The following CTNNA3 variants were observed in gnomAD, a reference collection of about 807,000 sequenced individuals.
The protein encoded by CTNNA3 is catenin alpha 3, also known as catenin alpha-3.
A neutral mutation model predicts 95.7 loss-of-function variants in CTNNA3; 76 were observed. The observed-to-expected ratio is 0.79, with a 90% CI of 0.66 to 0.96. The LOEUF is 0.96. Among genes scored for constraint, CTNNA3 ranks in the 40% least tolerant of loss-of-function variants. The pLI, the probability that CTNNA3 is intolerant of heterozygous loss-of-function variation, is 0.00. For missense variants in CTNNA3, 1,191 were observed against 1,089.8 expected, an observed-to-expected ratio of 1.09 and a Z score of -1.31; for synonymous variants, 431 against 374.4, an observed-to-expected ratio of 1.15 and a Z score of -1.74.
At chr10:66,244,370 G>A (rs879529747) in intron 13 of CTNNA3, among the ~76,000 whole-genome samples, 1 of 152,204 alleles carries the variant, frequency 6.6e-6, no homozygotes, top group African/African-American at 2.4e-5. Context: ...GCCACTGGCT[G>A]ACTGTAGAGC....
chr10:66,633,895 T>A (rs1416847764), intron 9 of CTNNA3, among the ~76,000 whole-genome samples: 1 of 151,976 alleles, frequency 6.6e-6, no homozygotes, highest in Admixed American at 6.6e-5. Context: ...GTTTTCTAAT[T>A]TACAAAAAAA....
intron 7 of CTNNA3, among the ~76,000 whole-genome samples, chr10:66,917,430 A>G (rs1335261148): frequency 3.9e-5 from 6 of 152,184 alleles, no homozygotes; most frequent in African/African-American, 1.4e-4. Flanking sequence ...ATAGGCTGAT[A>G]TATTTTAGAG....
chr10:66,872,671 A>T (rs1447241137), intron 7 of CTNNA3, among the ~76,000 whole-genome samples: 7 of 145,506 alleles, frequency 4.8e-5, no homozygotes, highest in Admixed American at 1.4e-4. Flanking sequence ...CCCGTCTCAA[A>T]AATAATAATA....
In CTNNA3 at chr10:66,191,312, C is replaced by G. The variant is rs982402399; in HGVS notation, c.1885-88063G>C. Among the ~76,000 whole-genome samples, 6 of 152,034 alleles carry G rather than the reference C, an allele frequency of 3.9e-5. No individual in the cohort carries two copies. The East Asian group carries it at 1.2e-3, about 29-fold the overall frequency. ...AAGACAATCCTTCTGGATTTACAAC[C>G]CTTAAAATGTCTCCATGGTCCTGTG... On this transcript the variant is annotated intron_variant, in intron 13 of 17. Transcript: ENST00000433211.
At chr10:66,478,350 C>T (rs1270098307) in intron 11 of CTNNA3, among the ~76,000 whole-genome samples, 2 of 152,040 alleles carry the variant, frequency 1.3e-5, no homozygotes, top group East Asian at 3.9e-4. Context: ...AGATTTTACA[C>T]TTGAAAATAT....
intron 3 of CTNNA3, among the ~76,000 whole-genome samples, chr10:67,593,922 G>C (rs1255514999): frequency 1.3e-5 from 2 of 151,950 alleles, no homozygotes; most frequent in Admixed American, 1.3e-4. Flanking sequence ...ATTATTTTGA[G>C]GTATGTACCT....
chr10:66,270,435 A>G (rs1324883488), intron 13 of CTNNA3, among the ~76,000 whole-genome samples: 1 of 152,012 alleles, frequency 6.6e-6, no homozygotes, highest in African/African-American at 2.4e-5. Context: ...CAAACTCCTG[A>G]GCTCAACCAT....
intron 11 of CTNNA3, 48 bp from the exon 12 acceptor site, chr10:66,379,400 A>C: frequency 7.1e-7 from 1 of 1,406,830 alleles, no homozygotes; most frequent in Non-Finnish European, 1.0e-6. Flanking sequence ...CTGTGTTTAA[A>C]ATCATACAAA....
intron 5 of CTNNA3, among the ~76,000 whole-genome samples, chr10:67,307,180 A>C (rs947603010): frequency 2.2e-4 from 33 of 152,216 alleles, no homozygotes; most frequent in African/African-American, 7.5e-4. Context: ...ATGGAAAAAA[A>C]TATCTTTTAT....
At chr10:66,627,149 A>C (rs1289331621) in intron 9 of CTNNA3, among the ~76,000 whole-genome samples, 1 of 152,170 alleles carries the variant, frequency 6.6e-6, no homozygotes. Flanking sequence ...AATGACTTAA[A>C]CTTCTACTTG....
intron 9 of CTNNA3, among the ~76,000 whole-genome samples, chr10:66,698,256 T>A (rs1001953403): frequency 6.6e-6 from 1 of 152,196 alleles, no homozygotes; most frequent in Admixed American, 6.5e-5. Context: ...CCATATCTGG[T>A]GAAGCATTTT....
intron 9 of CTNNA3, among the ~76,000 whole-genome samples, chr10:66,669,229 C>T (rs1042830032): frequency 3.3e-5 from 5 of 152,000 alleles, no homozygotes; most frequent in African/African-American, 1.2e-4. Flanking sequence ...AGTTGTGTGT[C>T]ATAGCAGATC....
intron 7 of CTNNA3, among the ~76,000 whole-genome samples, chr10:66,897,461 T>C (rs1845545452): frequency 6.6e-6 from 1 of 152,014 alleles, no homozygotes; most frequent in African/African-American, 2.4e-5. Context: ...AAAACAGTAA[T>C]TCATAAAAAT....
At chr10:66,110,751 C>T (rs144384437) in intron 13 of CTNNA3, among the ~76,000 whole-genome samples, 135 of 152,218 alleles carry the variant, frequency 8.9e-4, no homozygotes, top group African/African-American at 3.2e-3. Context: ...CTTACATATA[C>T]AGTCATGTTG....
At chr10:66,430,378 T>C (rs1284364780) in intron 11 of CTNNA3, among the ~76,000 whole-genome samples, 3 of 152,186 alleles carry the variant, frequency 2.0e-5, no homozygotes, top group Non-Finnish European at 4.4e-5. Context: ...CCAATGACTT[T>C]CTTCACAGAA....
intron 7 of CTNNA3, among the ~76,000 whole-genome samples, chr10:67,009,334 C>T (rs1852187398): frequency 6.6e-6 from 1 of 151,304 alleles, no homozygotes; most frequent in Middle Eastern, 3.4e-3. Context: ...GGATTTTTTT[C>T]AAAGCTTTTC....
intron 5 of CTNNA3, among the ~76,000 whole-genome samples, chr10:67,283,009 T>C (rs1839459083): frequency 6.6e-6 from 1 of 152,126 alleles, no homozygotes; most frequent in South Asian, 2.1e-4. Context: ...CTAATCTATT[T>C]TGTTTGACAT....
intron 5 of CTNNA3, among the ~76,000 whole-genome samples, chr10:67,442,782 C>A (rs1846572448): frequency 6.6e-6 from 1 of 151,620 alleles, no homozygotes; most frequent in East Asian, 1.9e-4. Flanking sequence ...GACTTTAACA[C>A]CCTACTTTCT....
chr10:66,101,346 A>C (rs968349851), intron 14 of CTNNA3, among the ~76,000 whole-genome samples: 1 of 152,202 alleles, frequency 6.6e-6, no homozygotes, highest in African/African-American at 2.4e-5. Context: ...ACCAAATACT[A>C]TCTGTCTGGC....
Sources: allele counts gnomAD v4.1 joint callset (sites outside exome capture counted in the v4.1 genomes callset), GRCh38; gene constraint gnomAD v4.1.1; transcripts MANE v1.5; gene names NCBI Gene and HGNC (gene_info 2026-07-23, HGNC 2026-07-21).